The following CLPSL1 variants were observed in gnomAD, a reference collection of about 807,000 sequenced individuals.
CLPSL1 encodes the protein colipase-like protein 1.
Under a neutral mutation model 9.3 loss-of-function variants are expected in CLPSL1, and 13 were observed. That is an observed-to-expected ratio of 1.40 (90% CI 0.91 to 2.22). CLPSL1 has a LOEUF of 2.22. Ranked by LOEUF, CLPSL1 falls within the 30% of genes most tolerant of loss-of-function variation. The pLI is 0.00. For synonymous variants in CLPSL1, 58 were observed against 56.9 expected (o/e 1.02, Z -0.08); for missense variants, 164 against 146.6 (o/e 1.12, Z -0.61).
downstream of CLPSL1, chr6:35,788,287 G>A (rs1283089150): frequency 6.7e-6 from 3 of 447,456 alleles, no homozygotes; most frequent in East Asian, 1.5e-4. Context: ...CCCCAGTTGG[G>A]GCATGAATGA....
At chr6:35,782,354 TGCAA>T (rs2151059653) in intron 1 of CLPSL1, among the ~76,000 whole-genome samples, 1 of 152,346 alleles carries the variant, frequency 6.6e-6, no homozygotes, top group Non-Finnish European at 1.5e-5. Context: ...ATTCAGCACC[TGCAA>T]TGTGTAAGGA....
Position 35,786,526 on chromosome 6 carries a change from G to A in CLPSL1, c.100-472G>A, listed in dbSNP as rs992348843. ...TGCCTGTTGAATGACTATTGAAATTGTCAGAGATGATGGGTGGCTGTGATC... is the reference window on the plus strand; with the variant it reads ...TGCCTGTTGAATGACTATTGAAATTATCAGAGATGATGGGTGGCTGTGATC... On this transcript the variant is annotated intron_variant, in intron 1 of 2. Coordinates refer to ENST00000373861, the MANE Select transcript of CLPSL1 (RefSeq NM_001010886.5). 2.0e-4 allele frequency among the ~76,000 whole-genome samples: 30 copies of A among 152,202 alleles called. 1 individual carries two copies. The highest frequency in any genetic ancestry group is 4.1e-4 in the Non-Finnish European group (28 of 68,036).
intron 1 of CLPSL1, 25 bp downstream of exon 1, chr6:35,781,234 A>G (rs1561938714): frequency 6.2e-7 from 1 of 1,610,186 alleles, no homozygotes; most frequent in South Asian, 1.1e-5. Context: ...GAGTGCAGTC[A>G]CCTCCCCCTC....
At chr6:35,790,587 G>T (rs1727741079), downstream of CLPSL1, among the ~76,000 whole-genome samples, 1 of 152,260 alleles carries the variant, frequency 6.6e-6, no homozygotes, top group Non-Finnish European at 1.5e-5. Context: ...TAGAAGAAGG[G>T]GAGGAGGAGA....
chr6:35,788,189 T>TG, downstream of CLPSL1: 9 of 258,012 alleles, frequency 3.5e-5, no homozygotes, highest in East Asian at 1.1e-4. Context: ...TGGGCTGGGC[T>TG]GGGGTGGGCA....
chr6:35,783,510 A>C (rs1219046423), intron 1 of CLPSL1, among the ~76,000 whole-genome samples: 77 of 146,778 alleles, frequency 5.2e-4, no homozygotes, highest in African/African-American at 1.6e-3. Flanking sequence ...ACTTTGTCTC[A>C]AAAAAAAAAA....
chr6:35,789,988 T>A (rs1217964124), downstream of CLPSL1, among the ~76,000 whole-genome samples: 2 of 152,262 alleles, frequency 1.3e-5, no homozygotes, highest in African/African-American at 4.8e-5. Context: ...GTGCAGTGGC[T>A]CCATCTCAGC....
At chr6:35,787,585 A>G (rs1231886104) in intron 2 of CLPSL1, among the ~76,000 whole-genome samples, 3 of 152,244 alleles carry the variant, frequency 2.0e-5, no homozygotes, top group Non-Finnish European at 4.4e-5. Context: ...TAAAGACAAG[A>G]CATAGAGGTC....
downstream of CLPSL1, among the ~76,000 whole-genome samples, chr6:35,791,410 A>T (rs190449098): frequency 5.4e-4 from 83 of 152,320 alleles, no homozygotes; most frequent in East Asian, 0.015. Context: ...GGAGTTCGAG[A>T]CCAGCCTGAC....
chr6:35,781,768 C>T (rs1221588269), intron 1 of CLPSL1, among the ~76,000 whole-genome samples: 2 of 134,094 alleles, frequency 1.5e-5, no homozygotes, highest in African/African-American at 5.7e-5. Context: ...TTTTTTGGGA[C>T]AGAGTCTTGC....
chr6:35,793,619 C>T, exon 2 of CLPSL1: 2 of 468,548 alleles, frequency 4.3e-6, no homozygotes. Flanking sequence ...CCAGCACTTC[C>T]TGTGTCTTTG....
chr6:35,785,946 CAAAAAAAAAAAA>C (rs35079833), intron 1 of CLPSL1, among the ~76,000 whole-genome samples: 1 of 110,800 alleles, frequency 9.0e-6, no homozygotes, highest in Non-Finnish European at 1.7e-5. Flanking sequence ...GAGACTTTGT[CAAAAAAAAAAAA>C]AAAAAAAGGA....
chr6:35,789,654 G>A (rs1768150492), downstream of CLPSL1, among the ~76,000 whole-genome samples: 2 of 152,256 alleles, frequency 1.3e-5, no homozygotes, highest in Admixed American at 6.5e-5. Context: ...AGCACTGTGG[G>A]AGGCCGAGTT....
chr6:35,782,911 CGT>C (rs1767993435), intron 1 of CLPSL1, among the ~76,000 whole-genome samples: 1 of 151,904 alleles, frequency 6.6e-6, no homozygotes, highest in Non-Finnish European at 1.5e-5. Context: ...AGCACATAAT[CGT>C]ACATAATAGG....
chr6:35,792,364 C>G (rs529535491), downstream of CLPSL1, among the ~76,000 whole-genome samples: 118 of 152,282 alleles, frequency 7.7e-4, no homozygotes, highest in African/African-American at 2.6e-3. Flanking sequence ...AGAATGCTTA[C>G]ATTAGCTGGG....
Position 35,788,093 on chromosome 6 carries a change from G to A in CLPSL1, c.*83G>A. On this transcript the variant is annotated 3_prime_UTR_variant, in exon 3 of 3. Transcript: ENST00000373861. ...CTCTGTGTTCACCCTGTTCCCCAGA[G>A]CCTCCACCATGAGTGGAGGGAAGTG... 9.8e-7 allele frequency: 1 copy of A among 1,017,856 alleles called. No homozygotes were observed. Among genetic ancestry groups the A allele is most frequent in the Admixed American group, 1.9e-5 (1 of 53,778 alleles). The allele number at this position is 1,017,856 out of a possible 1,614,324, so 63.1% of individuals were successfully genotyped here.
At chr6:35,790,974 G>T (rs980939037), downstream of CLPSL1, among the ~76,000 whole-genome samples, 1 of 152,162 alleles carries the variant, frequency 6.6e-6, no homozygotes, top group South Asian at 2.1e-4. Context: ...AGCACCAGGA[G>T]GTTGAGGCTG....
downstream of CLPSL1, among the ~76,000 whole-genome samples, chr6:35,791,421 C>A (rs1768207186): frequency 6.6e-6 from 1 of 152,206 alleles, no homozygotes; most frequent in South Asian, 2.1e-4. Flanking sequence ...CCAGCCTGAC[C>A]AACATGGTGA....
At chr6:35,783,189 T>C (rs2151059910) in intron 1 of CLPSL1, among the ~76,000 whole-genome samples, 1 of 152,268 alleles carries the variant, frequency 6.6e-6, no homozygotes. Flanking sequence ...GAACTTTGTA[T>C]GATGAAATCA....
Sources: allele counts gnomAD v4.1 joint callset (sites outside exome capture counted in the v4.1 genomes callset), GRCh38; gene constraint gnomAD v4.1.1; transcripts MANE v1.5; gene names NCBI Gene and HGNC (gene_info 2026-07-23, HGNC 2026-07-21).